Variants in RASGRF2 observed in about 807,000 individuals in gnomAD.
The protein encoded by RASGRF2 is ras-specific guanine nucleotide-releasing factor 2.
In RASGRF2, 76 loss-of-function variants were observed where a neutral mutation model predicts 151.0. The observed-to-expected ratio is 0.50, with a 90% CI of 0.42 to 0.61. RASGRF2 has a LOEUF of 0.61. Among genes scored for constraint, RASGRF2 ranks in the 20% least tolerant of loss-of-function variants. The pLI is 0.00. For synonymous variants in RASGRF2, 504 were observed against 566.5 expected (o/e 0.89, Z 1.57); for missense variants, 1,148 against 1,564.6 (o/e 0.73, Z 4.49).
intron 17 of RASGRF2, among the ~76,000 whole-genome samples, chr5:81,167,935 G>A (rs1330630078): frequency 2.6e-5 from 4 of 152,144 alleles, no homozygotes; most frequent in African/African-American, 7.2e-5. Context: ...TCCTAGTAAA[G>A]TCATGTTCCT....
chr5:81,084,178 G>A (rs1752162666), intron 7 of RASGRF2, among the ~76,000 whole-genome samples: 1 of 152,180 alleles, frequency 6.6e-6, no homozygotes, highest in Non-Finnish European at 1.5e-5. Flanking sequence ...TGAGAGTATT[G>A]ACCAAACTCA....
Position 81,068,057 on chromosome 5 carries a change from G to A in RASGRF2, c.421G>A (p.Glu141Lys). The A allele has an allele frequency of 6.2e-7, 1 of 1,606,200 alleles. No homozygotes were observed. The highest frequency in any genetic ancestry group is 1.3e-5 in the African/African-American group (1 of 74,720). ...ASYADILIER[E>K]VLMQKYIHLV... ...TTATGCAGACATTTTGATTGAGAGG[G>A]AAGTATTAATGCAGAAGTACATTCA... The change falls in exon 3 of 27, where the codon GAA becomes AAA. Residue 141 changes from glutamate (E) to lysine (K), a missense_variant. Coordinates refer to ENST00000265080, the MANE Select transcript of RASGRF2 (RefSeq NM_006909.3).
chr5:81,189,030 A>G (rs981085763), intron 18 of RASGRF2, among the ~76,000 whole-genome samples: 1 of 152,202 alleles, frequency 6.6e-6, no homozygotes, highest in Non-Finnish European at 1.5e-5. Context: ...CCCTGAGTCT[A>G]TTTTGTGTTG....
intron 1 of RASGRF2, among the ~76,000 whole-genome samples, chr5:81,038,371 GTGTTTTAATTTC>G (rs1750570985): frequency 6.6e-6 from 1 of 151,920 alleles, no homozygotes; most frequent in East Asian, 1.9e-4. Context: ...GTATTGTCAG[GTGTTTTAATTTC>G]TGTCCATCTA....
chr5:81,133,970 T>C (rs1753688182), intron 17 of RASGRF2, among the ~76,000 whole-genome samples: 2 of 152,062 alleles, frequency 1.3e-5, no homozygotes. Context: ...TCTGGTCCTA[T>C]ACCTAAAGAT....
intron 1 of RASGRF2, among the ~76,000 whole-genome samples, chr5:80,966,204 G>C (rs1048299385): frequency 6.6e-6 from 1 of 151,912 alleles, no homozygotes; most frequent in African/African-American, 2.4e-5. Flanking sequence ...ATTGGAGTTT[G>C]CAGATTTTGA....
intron 2 of RASGRF2, among the ~76,000 whole-genome samples, chr5:81,050,877 T>G (rs1750988989): frequency 6.6e-6 from 1 of 152,216 alleles, no homozygotes; most frequent in African/African-American, 2.4e-5. Flanking sequence ...CCTGCCCCAG[T>G]ACAGTGCCAA....
intron 2 of RASGRF2, among the ~76,000 whole-genome samples, chr5:81,056,485 C>G (rs923904803): frequency 6.6e-6 from 1 of 152,200 alleles, no homozygotes; most frequent in Non-Finnish European, 1.5e-5. Context: ...GCACTGTGGT[C>G]TGAGAGACAG....
In RASGRF2 at chr5:81,042,975, C is replaced by T; in HGVS notation, c.387C>T (p.His129=). 6.2e-7 allele frequency: 1 copy of T among 1,609,230 alleles called. No homozygotes were observed. The highest frequency in any genetic ancestry group is 1.3e-5 in the African/African-American group (1 of 74,950). Residue 129 remains histidine (H), a synonymous_variant, in exon 2 of 27, where the codon CAC becomes CAT. Coordinates refer to ENST00000265080, the MANE Select transcript of RASGRF2 (RefSeq NM_006909.3). ...GTAAAGAGTGGATGGAGGCCATTCA[C>T]CAAGCCAGGTATAGGCTCAGTCTTC... ...QDGKEWMEAI[H]QASYADILIE...
intron 19 of RASGRF2, chr5:81,204,412 T>C (rs749911366): frequency 2.0e-5 from 3 of 152,180 alleles, no homozygotes; most frequent in Non-Finnish European, 4.4e-5. Context: ...CTAAGAGATA[T>C]GAACATAAAA....
In RASGRF2 at chr5:81,094,343, A is replaced by G; in HGVS notation, c.1599A>G (p.Pro533=). ...SLIDCTLIEE[P]DASDDDSKGS... is the part of the protein sequence containing the mutation. ...TAGACTGCACATTGATTGAGGAGCC[A>G]GATGCAAGCGATGATGACTGTAAGT... Residue 533 remains proline, a synonymous_variant, in exon 11 of 27, where the codon CCA becomes CCG. Coordinates refer to ENST00000265080, the MANE Select transcript of RASGRF2 (RefSeq NM_006909.3). 2 of 1,613,230 alleles carry G rather than the reference A, an allele frequency of 1.2e-6. No individual in the cohort carries two copies. Among genetic ancestry groups the G allele is most frequent in the African/African-American group, 2.7e-5 (2 of 75,024 alleles).
At chr5:81,024,302 C>T (rs2112344258) in intron 1 of RASGRF2, among the ~76,000 whole-genome samples, 1 of 133,610 alleles carries the variant, frequency 7.5e-6, no homozygotes, top group South Asian at 2.4e-4. Flanking sequence ...TTTTGTTGCC[C>T]AGCCTGGAAT....
intron 2 of RASGRF2, among the ~76,000 whole-genome samples, chr5:81,052,195 C>T (rs112724993): frequency 9.1e-4 from 139 of 152,182 alleles, no homozygotes; most frequent in East Asian, 8.1e-3. Flanking sequence ...TATTGTGATA[C>T]AAAACATTTT....
In RASGRF2 at chr5:81,094,924, G is replaced by C. The variant is rs767949973; in HGVS notation, c.1687G>C (p.Ala563Pro). 1 of 1,603,102 alleles carries C rather than the reference G, an allele frequency of 6.2e-7. No individual in the cohort carries two copies. Among genetic ancestry groups the C allele is most frequent in the Non-Finnish European group, 8.5e-7 (1 of 1,172,154 alleles). The change falls in exon 12 of 27, where the codon GCC (alanine) becomes CCC (proline). Residue 563 changes from alanine to proline, a missense_variant. Ala to Pro is a conservative substitution (Grantham distance 27). This residue lies in a region of RASGRF2 where 646 missense variants were observed against 807.4 expected (regional missense o/e 0.80). Transcript: ENST00000265080. ...AGTGGTGGAGCCTCCTGACGCTGCC[G>C]CCTTCACTGTTGTCTTGTTAGCACC... ...KIVVEPPDAAAFTVVLLAPSR... is the reference protein window; with the variant it reads ...KIVVEPPDAAPFTVVLLAPSR...
chr5:81,095,633 G>A (rs536830930), intron 12 of RASGRF2, among the ~76,000 whole-genome samples: 179 of 152,240 alleles, frequency 1.2e-3, no homozygotes, highest in Non-Finnish European at 1.9e-4. Context: ...GGCTCTGTAG[G>A]GGAAAAGTGT....
chr5:81,219,779 G>A lies in RASGRF2; in HGVS notation c.3621+1G>A, dbSNP rs1254764197. On this transcript the variant is annotated splice_donor_variant, in intron 26 of 26. Transcript: ENST00000265080. LOFTEE classifies it high-confidence loss of function. ...CTACAGAATAGATCATCAGCCAAAG[G>A]TAATATTATGTGGCTGTGAAGAAAT... The A allele has an allele frequency of 1.3e-6, 2 of 1,591,246 alleles. No homozygotes were observed. The highest frequency in any genetic ancestry group is 2.7e-5 in the African/African-American group (2 of 74,322).
At chr5:81,114,457 C>T (rs4704699) in intron 15 of RASGRF2, among the ~76,000 whole-genome samples, 64,990 of 152,070 alleles carry the variant, frequency 0.43, 14,361 homozygotes, top group Middle Eastern at 0.66. Context: ...AGGAGAGAAA[C>T]CAAATTGGAG....
At chr5:81,114,901 C>T (rs1484310336) in intron 15 of RASGRF2, 5 of 152,188 alleles carry the variant, frequency 3.3e-5, no homozygotes, top group East Asian at 3.9e-4. Flanking sequence ...GTGAACTGAT[C>T]GAGGGTCCTC....
intron 17 of RASGRF2, among the ~76,000 whole-genome samples, chr5:81,142,206 A>G (rs1753900216): frequency 1.3e-5 from 2 of 150,952 alleles, no homozygotes; most frequent in Admixed American, 1.3e-4. Context: ...ATGGGGTAGA[A>G]TAAGAACAGC....
Sources: gnomAD v4.1 joint callset for allele counts (sites outside exome capture counted in the v4.1 genomes callset) on GRCh38, gnomAD v4.1.1 for gene constraint, gnomAD v4.1.1 regional missense constraint, MANE v1.5 for transcripts, NCBI Gene and HGNC (gene_info 2026-07-23, HGNC 2026-07-21) for gene names.